The following CSMD1 variants were observed in gnomAD, a reference collection of about 807,000 sequenced individuals.
CSMD1 encodes the protein CUB and sushi domain-containing protein 1.
Under a neutral mutation model 417.5 loss-of-function variants are expected in CSMD1, and 213 were observed. The observed-to-expected ratio is 0.51, with a 90% CI of 0.46 to 0.57. CSMD1 has a LOEUF of 0.57. Among genes scored for constraint, CSMD1 ranks in the 20% least tolerant of loss-of-function variants. The pLI is 0.00. For missense variants in CSMD1, 6,923 were observed against 4,529.7 expected, an observed-to-expected ratio of 1.53 and a Z score of -15.17; for synonymous variants, 2,862 against 1,736.8, an observed-to-expected ratio of 1.65 and a Z score of -16.11.
Position 3,492,835 on chromosome 8 carries a change from T to G in CSMD1, c.1448+788A>C, listed in dbSNP as rs114648478. On this transcript the variant is annotated intron_variant, in intron 11 of 69. Coordinates refer to ENST00000635120, the MANE Select transcript of CSMD1 (RefSeq NM_033225.6). ...TACACTGAGTCACCCCCAACACTTT[T>G]CCCCCCCATGTCTGTTACTTTATTA... Among the ~76,000 whole-genome samples the G allele has an allele frequency of 0.011, 1,622 of 151,464 alleles. 63 individuals carry two copies. In the East Asian group the frequency reaches 0.14, roughly 13 times the overall value.
At chr8:4,748,800 A>C (rs1486020384) in intron 1 of CSMD1, among the ~76,000 whole-genome samples, 2 of 152,220 alleles carry the variant, frequency 1.3e-5, no homozygotes, top group Non-Finnish European at 2.9e-5. Context: ...GCGTGTTAGC[A>C]TCACCATTGT....
intron 3 of CSMD1, among the ~76,000 whole-genome samples, chr8:4,204,321 GT>G (rs576193433): frequency 4.6e-5 from 7 of 151,084 alleles, no homozygotes; most frequent in African/African-American, 1.7e-4. Flanking sequence ...AATCAGAATA[GT>G]TTTTTAAAAA....
At chr8:4,908,371 C>T (rs140268964) in intron 1 of CSMD1, among the ~76,000 whole-genome samples, 400 of 152,104 alleles carry the variant, frequency 2.6e-3, no homozygotes, top group African/African-American at 9.2e-3. Flanking sequence ...GTTCTCTGAC[C>T]TTCTTGGTTC....
At chr8:4,546,706 G>A (rs1051789566) in intron 2 of CSMD1, among the ~76,000 whole-genome samples, 3 of 151,890 alleles carry the variant, frequency 2.0e-5, no homozygotes, top group South Asian at 2.1e-4. Flanking sequence ...AGACGTCTCC[G>A]CCTTCATAAT....
intron 1 of CSMD1, among the ~76,000 whole-genome samples, chr8:4,737,113 A>G (rs945271094): frequency 6.6e-6 from 1 of 152,190 alleles, no homozygotes; most frequent in Non-Finnish European, 1.5e-5. Flanking sequence ...GACTGAATAA[A>G]GAAAATGTGG....
rs767840654 is a variant in CSMD1, at chr8:4,381,904, G to T, written c.415+38049C>A. Among the ~76,000 whole-genome samples, 4 of 152,034 alleles carry T rather than the reference G, an allele frequency of 2.6e-5. No homozygotes were observed. In the South Asian group the frequency reaches 8.3e-4, roughly 32 times the overall value. ...TGGTTCCCTGCTATACAGTGATCAA[G>T]ACACTTGCCCACTGCAGGGAAAACA... On this transcript the variant is annotated intron_variant, in intron 3 of 69. Transcript: ENST00000635120.
At chr8:4,671,308 G>C (rs890105962) in intron 1 of CSMD1, among the ~76,000 whole-genome samples, 16 of 151,966 alleles carry the variant, frequency 1.1e-4, no homozygotes, top group Admixed American at 1.0e-3. Flanking sequence ...CGCTAACATG[G>C]CAATTCTTTA....
chr8:4,636,094 G>A (rs1292848557), intron 2 of CSMD1, among the ~76,000 whole-genome samples: 1 of 151,922 alleles, frequency 6.6e-6, no homozygotes, highest in African/African-American at 2.4e-5. Flanking sequence ...ATAAAATTGT[G>A]TTTTCTGTAG....
intron 1 of CSMD1, among the ~76,000 whole-genome samples, chr8:4,993,194 T>G (rs1339007430): frequency 6.6e-6 from 1 of 151,774 alleles, no homozygotes; most frequent in Non-Finnish European, 1.5e-5. Context: ...AAAAAGCAAG[T>G]GACCATTGAA....
chr8:4,070,121 T>TAA (rs1487036629), intron 3 of CSMD1, among the ~76,000 whole-genome samples: 2 of 152,166 alleles, frequency 1.3e-5, no homozygotes, highest in Non-Finnish European at 2.9e-5. Flanking sequence ...AGTCTTCTTG[T>TAA]AAATATTACA....
chr8:4,696,372 C>T (rs1563161364), intron 1 of CSMD1, among the ~76,000 whole-genome samples: 3 of 152,172 alleles, frequency 2.0e-5, no homozygotes, highest in African/African-American at 7.2e-5. Context: ...CTAAGGCCTA[C>T]CTCTATAGTA....
At chr8:4,300,669 T>C (rs543575509) in intron 3 of CSMD1, among the ~76,000 whole-genome samples, 19 of 152,276 alleles carry the variant, frequency 1.2e-4, no homozygotes, top group Non-Finnish European at 2.4e-4. Context: ...TATCTCCTAA[T>C]GCTATCTCTC....
chr8:3,810,890 C>T (rs746395657), intron 5 of CSMD1, among the ~76,000 whole-genome samples: 3 of 152,110 alleles, frequency 2.0e-5, no homozygotes, highest in Non-Finnish European at 4.4e-5. Flanking sequence ...CATTTTCACC[C>T]TGAGATGTTG....
At chr8:2,948,613 A>G (rs189685706) in intron 68 of CSMD1, among the ~76,000 whole-genome samples, 2 of 152,268 alleles carry the variant, frequency 1.3e-5, no homozygotes. Context: ...TACTCATTGA[A>G]GCAATTCTTT....
At chr8:4,379,832 A>G (rs1802989563) in intron 3 of CSMD1, among the ~76,000 whole-genome samples, 1 of 152,202 alleles carries the variant, frequency 6.6e-6, no homozygotes, top group Non-Finnish European at 1.5e-5. Context: ...CTGTTTGCTG[A>G]AAAAGTGATC....
chr8:4,873,753 A>G (rs1007113255), intron 1 of CSMD1, among the ~76,000 whole-genome samples: 1 of 152,180 alleles, frequency 6.6e-6, no homozygotes, highest in Non-Finnish European at 1.5e-5. Context: ...AAAAATATGT[A>G]GCACCTATTT....
At chr8:3,016,025 T>C (rs992416234) in intron 52 of CSMD1, among the ~76,000 whole-genome samples, 3 of 152,196 alleles carry the variant, frequency 2.0e-5, no homozygotes, top group Admixed American at 6.5e-5. Context: ...ATTAGCATGA[T>C]AGTATTCTTG....
At chr8:3,478,322 A>T (rs922868715) in intron 11 of CSMD1, among the ~76,000 whole-genome samples, 1 of 152,232 alleles carries the variant, frequency 6.6e-6, no homozygotes, top group Admixed American at 6.5e-5. Flanking sequence ...GGGAAAATAA[A>T]AGTTGACTAA....
chr8:4,276,951 T>C (rs949102453), intron 3 of CSMD1, among the ~76,000 whole-genome samples: 3 of 152,154 alleles, frequency 2.0e-5, no homozygotes, highest in East Asian at 1.9e-4. Context: ...TGTTTTCGTA[T>C]ACCAACAAAT....
Sources: gnomAD v4.1 joint callset for allele counts (sites outside exome capture counted in the v4.1 genomes callset) on GRCh38, gnomAD v4.1.1 for gene constraint, MANE v1.5 for transcripts, NCBI Gene and HGNC (gene_info 2026-07-23, HGNC 2026-07-21) for gene names.